Variants in SNRK observed in about 807,000 individuals in gnomAD.
The protein encoded by SNRK is SNF related kinase.
SNRK carries 3 observed loss-of-function variants against 48.2 expected under a neutral mutation model. That is an observed-to-expected ratio of 0.06 (90% CI 0.03 to 0.16). SNRK has a LOEUF of 0.16. SNRK is among the 10% of genes least tolerant of loss of function. SNRK has a pLI of 1.00. For missense variants in SNRK, 627 were observed against 976.0 expected (o/e 0.64, Z 4.76); for synonymous variants, 376 against 366.1 (o/e 1.03, Z -0.31).
At chr3:43,334,709 T>TCAGCCTCCCA (rs2091173739) in intron 4 of SNRK, among the ~76,000 whole-genome samples, 1 of 152,080 alleles carries the variant, frequency 6.6e-6, no homozygotes, top group Admixed American at 6.5e-5. Context: ...TTCTCCTGCT[T>TCAGCCTCCCA]CAGCCTCCCA....
chr3:43,317,761 A>G (rs567603039), intron 3 of SNRK, among the ~76,000 whole-genome samples: 1 of 151,684 alleles, frequency 6.6e-6, no homozygotes, highest in South Asian at 2.1e-4. Context: ...CCCACATGTC[A>G]CCCCTCAGTG....
chr3:43,345,504 A>C (rs543565037), intron 6 of SNRK, among the ~76,000 whole-genome samples: 1 of 152,282 alleles, frequency 6.6e-6, no homozygotes, highest in South Asian at 2.1e-4. Context: ...AGTTGAGATG[A>C]GTGGTTAACA....
At position 43,303,731 on chromosome 3, in the gene SNRK, A is replaced by G. The variant is rs1219064502; in HGVS notation, c.528A>G (p.Gly176=). Residue 176 remains glycine (G), a synonymous_variant, in exon 3 of 7, where the codon GGA becomes GGG. Coordinates refer to ENST00000296088, the MANE Select transcript of SNRK (RefSeq NM_017719.5). The surrounding 1 kb of genome is among the most constrained non-coding windows in gnomAD (Gnocchi z 6.2). The stretch of plus-strand genomic sequence containing the variant: ...GGAAGAAGCTCACTACAAGCTGTGG[A>G]TCTCTTGCATATTCCGCTCCAGAAA... ...QPGKKLTTSC[G]SLAYSAPEIL... The G allele has an allele frequency of 6.2e-7, 1 of 1,613,834 alleles. No homozygotes were observed. Among genetic ancestry groups the G allele is most frequent in the Non-Finnish European group, 8.5e-7 (1 of 1,180,012 alleles).
In SNRK at chr3:43,340,371, G is replaced by A. The variant is rs1404552103; in HGVS notation, c.816G>A (p.Val272=). 1.2e-6 allele frequency: 2 copies of A among 1,614,106 alleles called. No individual in the cohort carries two copies. Among genetic ancestry groups the A allele is most frequent in the Non-Finnish European group, 1.7e-6 (2 of 1,179,996 alleles). Residue 272 remains valine (V), a synonymous_variant, in exon 5 of 7, where the codon GTG becomes GTA. Coordinates refer to ENST00000296088, the MANE Select transcript of SNRK (RefSeq NM_017719.5). ...AAAATCATCCTTGGCTTCAGGGAGT[G>A]GACCCTTCACCAGCTACAAAGTATA... is the stretch of plus-strand genomic sequence containing the variant. ...EIENHPWLQG[V]DPSPATKYNI... is the part of the protein sequence containing the mutation.
intron 3 of SNRK, among the ~76,000 whole-genome samples, chr3:43,309,086 G>T (rs940324527): frequency 3.9e-5 from 6 of 152,208 alleles, no homozygotes; most frequent in African/African-American, 1.4e-4. Context: ...TGATTGAATT[G>T]CTGCAGTCTC....
intron 3 of SNRK, among the ~76,000 whole-genome samples, chr3:43,309,615 T>TG (rs1032875292): frequency 6.6e-6 from 1 of 151,218 alleles, no homozygotes; most frequent in Admixed American, 6.6e-5. Context: ...AAATAAGGTT[T>TG]TTTTTTTTTT....
chr3:43,326,402 T>C (rs1181054456), intron 3 of SNRK, among the ~76,000 whole-genome samples: 2 of 152,040 alleles, frequency 1.3e-5, no homozygotes, highest in Admixed American at 6.5e-5. Context: ...ATTTCAGGTT[T>C]TCATTCAGCA....
intron 1 of SNRK, among the ~76,000 whole-genome samples, chr3:43,287,689 TCCA>T (rs976635330): frequency 2.2e-4 from 33 of 152,322 alleles, no homozygotes; most frequent in African/African-American, 7.7e-4. Context: ...CTGTTGAATC[TCCA>T]CCAAGTTCCT....
intron 3 of SNRK, among the ~76,000 whole-genome samples, chr3:43,329,044 A>G (rs755479307): frequency 1.1e-4 from 17 of 152,360 alleles, no homozygotes; most frequent in Admixed American, 3.3e-4. Context: ...TAGTACTTCC[A>G]TTTTAAAGAT....
chr3:43,287,238 A>G (rs1223447770), intron 1 of SNRK, among the ~76,000 whole-genome samples: 2 of 152,196 alleles, frequency 1.3e-5, no homozygotes, highest in Non-Finnish European at 2.9e-5. Context: ...GAGCAGTGCC[A>G]TTCCCGAGGG....
chr3:43,344,171 C>T (rs184532313), intron 6 of SNRK, among the ~76,000 whole-genome samples: 20 of 152,220 alleles, frequency 1.3e-4, no homozygotes, highest in Non-Finnish European at 1.8e-4. Context: ...AAGTCATGAA[C>T]GTGCTGCTCC....
chr3:43,290,533 G>GTCTCC (rs1176318731), intron 1 of SNRK, among the ~76,000 whole-genome samples: 1 of 152,130 alleles, frequency 6.6e-6, no homozygotes, highest in Non-Finnish European at 1.5e-5. Context: ...TCCAAAATGT[G>GTCTCC]TCTCCTCCAC....
At position 43,303,123 on chromosome 3, in the gene SNRK, AT is replaced by A; in HGVS notation, c.-75del. ...ATATCCATGACGACATTGAAAATGAATTTTTTGTATTCACCAGATATTCTTA... is the reference window on the plus strand; with the variant it reads ...ATATCCATGACGACATTGAAAATGAATTTTTGTATTCACCAGATATTCTTA... On this transcript the variant is annotated 5_prime_UTR_variant, in exon 3 of 7. The change abolishes the stop of an existing upstream ORF in the 5' untranslated region. Transcript: ENST00000296088. This position sits in a 1 kb window ranked among gnomAD's most constrained non-coding sequence, Gnocchi z 6.2. The A allele has an allele frequency of 9.8e-7, 1 of 1,019,112 alleles. No homozygotes were observed. The highest frequency in any genetic ancestry group is 1.4e-6 in the Non-Finnish European group (1 of 711,854). 63.1% of individuals were successfully genotyped at this position (1,019,112 alleles called of 1,614,324 possible).
intron 3 of SNRK, among the ~76,000 whole-genome samples, chr3:43,316,388 G>T (rs1372431373): frequency 6.6e-6 from 1 of 152,100 alleles, no homozygotes; most frequent in African/African-American, 2.4e-5. Flanking sequence ...CACCCCCAGA[G>T]ATTGTGATTC....
intron 1 of SNRK, among the ~76,000 whole-genome samples, chr3:43,292,651 A>G (rs2090821606): frequency 6.6e-6 from 1 of 152,198 alleles, no homozygotes; most frequent in Non-Finnish European, 1.5e-5. Flanking sequence ...TTCCTAAGCC[A>G]GCCAGCTGTA....
At chr3:43,296,419 T>TATATATAC (rs1553632584) in intron 1 of SNRK, among the ~76,000 whole-genome samples, 3 of 143,950 alleles carry the variant, frequency 2.1e-5, no homozygotes, top group East Asian at 2.0e-4. Context: ...TACTGGCATA[T>TATATATAC]ATATATATAT....
intron 4 of SNRK, among the ~76,000 whole-genome samples, chr3:43,336,519 A>G (rs1396365732): frequency 2.0e-5 from 3 of 151,996 alleles, no homozygotes; most frequent in Admixed American, 6.6e-5. Flanking sequence ...TTTTGTAGAG[A>G]CCGGGTCTCA....
At chr3:43,328,203 AC>A (rs2091110475) in intron 3 of SNRK, among the ~76,000 whole-genome samples, 1 of 149,674 alleles carries the variant, frequency 6.7e-6, no homozygotes, top group African/African-American at 2.5e-5. Context: ...GCTCCATTAC[AC>A]CCCCATCCCC....
At chr3:43,305,748 G>T (rs182760029) in intron 3 of SNRK, among the ~76,000 whole-genome samples, 1 of 152,032 alleles carries the variant, frequency 6.6e-6, no homozygotes. Flanking sequence ...GCCTCCCAAA[G>T]TGCTGGGATT....
Sources: gnomAD v4.1 joint callset for allele counts (sites outside exome capture counted in the v4.1 genomes callset) on GRCh38, gnomAD v4.1.1 for gene constraint, Gnocchi (gnomAD v3.1) non-coding constraint, MANE v1.5 for transcripts, NCBI Gene and HGNC (gene_info 2026-07-23, HGNC 2026-07-21) for gene names.